AXDND1: variants seen among roughly 807,000 people sequenced by gnomAD.
AXDND1 encodes the protein axonemal dynein light chain domain-containing protein 1.
Under a neutral mutation model 137.5 loss-of-function variants are expected in AXDND1, and 110 were observed. The observed-to-expected ratio is 0.80, with a 90% CI of 0.69 to 0.94. The LOEUF is 0.94. Among genes scored for constraint, AXDND1 ranks in the 40% least tolerant of loss-of-function variants. AXDND1 has a pLI of 0.00. For synonymous variants in AXDND1, 414 were observed against 399.7 expected, an observed-to-expected ratio of 1.04 and a Z score of -0.43; for missense variants, 1,191 against 1,169.8, an observed-to-expected ratio of 1.02 and a Z score of -0.26.
intron 9 of AXDND1, among the ~76,000 whole-genome samples, chr1:179,388,993 T>TTG (rs1649679851): frequency 7.8e-5 from 1 of 12,858 alleles, no homozygotes. Flanking sequence ...TTTTTTTTTT[T>TTG]GAGATGGAGT....
chr1:179,498,039 C>T (rs552430385), intron 20 of AXDND1, among the ~76,000 whole-genome samples: 1 of 152,148 alleles, frequency 6.6e-6, no homozygotes, highest in Non-Finnish European at 1.5e-5. Context: ...ACATTTCATG[C>T]TCATGGATAA....
At chr1:179,506,755 A>G in intron 20 of AXDND1, 3 of 561,718 alleles carry the variant, frequency 5.3e-6, no homozygotes, top group Non-Finnish European at 6.8e-6. Flanking sequence ...AACTTCCTCT[A>G]TGCCATTTGG....
At chr1:179,445,332 G>A (rs1447175927) in intron 16 of AXDND1, 128 bp downstream of exon 16, 5 of 654,974 alleles carry the variant, frequency 7.6e-6, no homozygotes, top group Non-Finnish European at 1.2e-5. Context: ...AGCAAAATAA[G>A]CAAAGCATTG....
chr1:179,420,008 T>G (rs1193246863), intron 12 of AXDND1, among the ~76,000 whole-genome samples: 1 of 152,238 alleles, frequency 6.6e-6, no homozygotes. Context: ...TGGGCATCCT[T>G]GTCTTGTTCT....
intron 11 of AXDND1, among the ~76,000 whole-genome samples, chr1:179,405,614 A>C (rs1193073324): frequency 6.6e-6 from 1 of 151,908 alleles, no homozygotes; most frequent in South Asian, 2.1e-4. Flanking sequence ...TGTAGGTTTT[A>C]TGTGTTCAGG....
At chr1:179,511,390 T>TGG (rs750326309) in intron 21 of AXDND1, among the ~76,000 whole-genome samples, 2,486 of 95,678 alleles carry the variant, frequency 0.026, 28 homozygotes, top group South Asian at 0.058. Context: ...ATATGGTATA[T>TGG]GGGGTGTGTG....
At chr1:179,450,490 G>A (rs550787869) in intron 16 of AXDND1, 4 of 152,268 alleles carry the variant, frequency 2.6e-5, no homozygotes, top group African/African-American at 9.6e-5. Context: ...TTTTTATCAG[G>A]TTTAGGAAAT....
chr1:179,490,931 T>G (rs1301395171), intron 18 of AXDND1, among the ~76,000 whole-genome samples: 1 of 152,232 alleles, frequency 6.6e-6, no homozygotes, highest in Non-Finnish European at 1.5e-5. Context: ...TTTAAAATCC[T>G]ATGGCATCCT....
At chr1:179,449,758 T>C (rs1660267523) in intron 16 of AXDND1, 1 of 152,144 alleles carries the variant, frequency 6.6e-6, no homozygotes, top group Admixed American at 6.5e-5. Flanking sequence ...TATGTTATTC[T>C]TCTAGATGAT....
At chr1:179,520,821 A>C (rs1374883589) in intron 21 of AXDND1, among the ~76,000 whole-genome samples, 1 of 149,576 alleles carries the variant, frequency 6.7e-6, no homozygotes, top group Non-Finnish European at 1.5e-5. Flanking sequence ...TTTAAATGAG[A>C]CATTCTTTTC....
At chr1:179,391,968 C>A (rs1650278238) in intron 9 of AXDND1, among the ~76,000 whole-genome samples, 1 of 152,172 alleles carries the variant, frequency 6.6e-6, no homozygotes, top group Non-Finnish European at 1.5e-5. Context: ...GAGGCCTCCC[C>A]AGCTCTGTGG....
chr1:179,456,248 A>G (rs1187836503), intron 16 of AXDND1: 7 of 740,324 alleles, frequency 9.5e-6, no homozygotes, highest in Non-Finnish European at 1.7e-5. Context: ...TGTCATAGCT[A>G]CTGCTGCTAC....
At position 179,368,859 on chromosome 1, in the gene AXDND1, T is replaced by G. The variant is rs561315483; in HGVS notation, c.157T>G (p.Ser53Ala). The change falls in exon 3 of 26, where the codon TCC (serine) becomes GCC (alanine). Residue 53 changes from serine to alanine, a missense_variant. Physicochemically the swap from Ser to Ala is moderately conservative, Grantham distance 99 (BLOSUM62 1). Coordinates refer to ENST00000367618, the MANE Select transcript of AXDND1 (RefSeq NM_144696.6). ...GGATCGTTCAAAACTCCTTCCTACT[T>G]CCCTTCAGAATGAGTTCATTCCCAA... is the stretch of plus-strand genomic sequence containing the variant. ...MVDRSKLLPT[S>A]LQNEFIPKEV... 32 of 1,613,686 alleles carry G rather than the reference T, an allele frequency of 2.0e-5. No homozygotes were observed. The highest frequency in any genetic ancestry group is 2.6e-5 in the Non-Finnish European group (31 of 1,179,710).
intron 17 of AXDND1, among the ~76,000 whole-genome samples, chr1:179,470,274 A>G (rs1254790118): frequency 2.0e-5 from 3 of 152,140 alleles, no homozygotes; most frequent in African/African-American, 7.2e-5. Context: ...CTCTTCTTTT[A>G]CAGGATTATT....
chr1:179,386,050 C>CTT lies in AXDND1; in HGVS notation c.863+711_863+712dup, dbSNP rs71111980. On this transcript the variant is annotated intron_variant, in intron 9 of 25. Transcript: ENST00000367618. ...CTGGAGCTGATTTTAGGATTTTTTC[C>CTT]TTTTTTTTTTTTTTTTTTTTTGAGA... 4.2e-3 allele frequency among the ~76,000 whole-genome samples: 425 copies of CTT among 102,404 alleles called. 1 individual carries two copies. Among genetic ancestry groups the CTT allele is most frequent in the East Asian group, 9.5e-3 (33 of 3,458 alleles). The allele number at this position is 102,404 out of a possible 152,430, so 67.2% of individuals were successfully genotyped here. A position where few individuals can be genotyped will look rare whatever the true frequency, so the allele number is the denominator to read the frequency against.
chr1:179,500,746 C>T (rs1408290483), intron 20 of AXDND1, among the ~76,000 whole-genome samples: 1 of 152,180 alleles, frequency 6.6e-6, no homozygotes, highest in Non-Finnish European at 1.5e-5. Context: ...GATGTCAGCT[C>T]TCTTGAACTC....
At position 179,443,072 on chromosome 1, in the gene AXDND1, T is replaced by C. The variant is rs371915030; in HGVS notation, c.1564-1898T>C. ...TTGTGAGACTGCATCCTTTGAACAA[T>C]AGGTGCTAGATTTCTCAATAGATAA... On this transcript the variant is annotated intron_variant, in intron 15 of 25. Coordinates refer to ENST00000367618, the MANE Select transcript of AXDND1 (RefSeq NM_144696.6). 2.0e-5 allele frequency among the ~76,000 whole-genome samples: 3 copies of C among 152,280 alleles called. No homozygotes were observed. In the East Asian group the frequency reaches 5.8e-4, roughly 29 times the overall value.
At chr1:179,489,320 C>G (rs1270967592) in intron 18 of AXDND1, among the ~76,000 whole-genome samples, 3 of 151,922 alleles carry the variant, frequency 2.0e-5, no homozygotes, top group Non-Finnish European at 4.4e-5. Flanking sequence ...TATTATTTGA[C>G]CTTGATTCTA....
intron 4 of AXDND1, among the ~76,000 whole-genome samples, chr1:179,372,811 G>A (rs1171673236): frequency 2.0e-5 from 3 of 152,106 alleles, no homozygotes; most frequent in African/African-American, 4.8e-5. Flanking sequence ...AGCCTCTGAC[G>A]TAGCTGGGAC....
Sources: gnomAD v4.1 joint callset for allele counts (sites outside exome capture counted in the v4.1 genomes callset) on GRCh38, gnomAD v4.1.1 for gene constraint, MANE v1.5 for transcripts, NCBI Gene and HGNC (gene_info 2026-07-23, HGNC 2026-07-21) for gene names.